Variants in CDH12 observed in about 807,000 individuals in gnomAD.
CDH12 encodes the protein cadherin-12.
CDH12 carries 41 observed loss-of-function variants against 74.1 expected under a neutral mutation model. That is an observed-to-expected ratio of 0.55 (90% CI 0.43 to 0.72). The LOEUF is 0.72. Among genes scored for constraint, CDH12 ranks in the 30% least tolerant of loss-of-function variants. The pLI is 0.00. For missense variants in CDH12, 945 were observed against 977.2 expected (o/e 0.97, Z 0.44); for synonymous variants, 399 against 355.0 (o/e 1.12, Z -1.39).
chr5:22,487,295 C>T (rs1746648336), intron 2 of CDH12, among the ~76,000 whole-genome samples: 1 of 152,074 alleles, frequency 6.6e-6, no homozygotes, highest in African/African-American at 2.4e-5. Flanking sequence ...AGCCACTGTA[C>T]CTGGCCAATG....
At chr5:21,900,472 T>C (rs908861330) in intron 6 of CDH12, among the ~76,000 whole-genome samples, 1 of 152,222 alleles carries the variant, frequency 6.6e-6, no homozygotes, top group African/African-American at 2.4e-5. Context: ...TATATCATGT[T>C]ATATTAGCTA....
At chr5:22,803,917 G>A (rs1748656301) in intron 1 of CDH12, among the ~76,000 whole-genome samples, 1 of 151,776 alleles carries the variant, frequency 6.6e-6, no homozygotes, top group Non-Finnish European at 1.5e-5. Context: ...GTAAAACACA[G>A]TTTATAAGAT....
intron 1 of CDH12, among the ~76,000 whole-genome samples, chr5:22,750,971 G>A (rs1270338465): frequency 6.7e-6 from 1 of 149,678 alleles, no homozygotes; most frequent in Non-Finnish European, 1.5e-5. Context: ...ATGAGAACAA[G>A]GTTTACAACC....
intron 1 of CDH12, among the ~76,000 whole-genome samples, chr5:22,761,297 A>C (rs2127055954): frequency 6.6e-6 from 1 of 152,316 alleles, no homozygotes; most frequent in African/African-American, 2.4e-5. Flanking sequence ...TTATATTAAA[A>C]ATTATCTCAG....
chr5:22,061,659 T>G (rs925932027), intron 5 of CDH12, among the ~76,000 whole-genome samples: 5 of 152,160 alleles, frequency 3.3e-5, no homozygotes, highest in African/African-American at 1.2e-4. Flanking sequence ...TTCAACAATA[T>G]TAGCCCACAG....
At chr5:22,116,864 CT>C (rs70957090) in intron 4 of CDH12, among the ~76,000 whole-genome samples, 1,688 of 107,956 alleles carry the variant, frequency 0.016, 39 homozygotes, top group African/African-American at 0.051. Flanking sequence ...CTGCAAGTCT[CT>C]TTTTTTTTTT....
chr5:22,089,548 A>T (rs952930059), intron 4 of CDH12, among the ~76,000 whole-genome samples: 1 of 152,230 alleles, frequency 6.6e-6, no homozygotes, highest in Non-Finnish European at 1.5e-5. Flanking sequence ...TTTACTTTTT[A>T]AATGCCACAT....
intron 3 of CDH12, among the ~76,000 whole-genome samples, chr5:22,376,862 A>G (rs912360614): frequency 4.6e-5 from 7 of 152,072 alleles, no homozygotes; most frequent in African/African-American, 1.7e-4. Flanking sequence ...CCCCATAAGT[A>G]TGTAAAATAG....
At chr5:21,840,447 T>C (rs1749775343) in intron 8 of CDH12, among the ~76,000 whole-genome samples, 1 of 151,950 alleles carries the variant, frequency 6.6e-6, no homozygotes, top group Non-Finnish European at 1.5e-5. Flanking sequence ...TTTTTTTAGA[T>C]TCAATACCAT....
chr5:22,081,948 G>A (rs970344161), intron 4 of CDH12, among the ~76,000 whole-genome samples: 1 of 152,174 alleles, frequency 6.6e-6, no homozygotes. Context: ...AACATGCAAA[G>A]TGCAGTAGTC....
At chr5:21,802,493 A>C in intron 9 of CDH12, 73 bp from the exon 10 acceptor site, 1 of 1,296,964 alleles carries the variant, frequency 7.7e-7, no homozygotes, top group South Asian at 1.3e-5. Context: ...ACATTACTTC[A>C]GAGCAATTTG....
chr5:22,393,342 G>T (rs1742326256), intron 3 of CDH12, among the ~76,000 whole-genome samples: 1 of 152,154 alleles, frequency 6.6e-6, no homozygotes, highest in South Asian at 2.1e-4. Context: ...GCAAGGTACA[G>T]AATCTCTACT....
intron 2 of CDH12, among the ~76,000 whole-genome samples, chr5:22,474,903 C>A (rs1221068424): frequency 6.6e-6 from 1 of 151,858 alleles, no homozygotes; most frequent in African/African-American, 2.4e-5. Flanking sequence ...ATTAATGAAC[C>A]AAACTAACAA....
intron 4 of CDH12, among the ~76,000 whole-genome samples, chr5:22,210,372 CTG>C (rs1751456304): frequency 6.8e-6 from 1 of 146,620 alleles, no homozygotes; most frequent in Non-Finnish European, 1.5e-5. Context: ...GTAAAATAAA[CTG>C]TTACTAATTT....
intron 1 of CDH12, among the ~76,000 whole-genome samples, chr5:22,640,374 T>G (rs1180266563): frequency 6.6e-6 from 1 of 152,230 alleles, no homozygotes; most frequent in East Asian, 1.9e-4. Context: ...TTAAAACACA[T>G]ATCTCCTATA....
intron 1 of CDH12, among the ~76,000 whole-genome samples, chr5:22,530,344 T>C (rs1737531079): frequency 6.6e-6 from 1 of 152,268 alleles, no homozygotes; most frequent in Non-Finnish European, 1.5e-5. Context: ...ATGGACTCAT[T>C]TGAAATAAAA....
intron 12 of CDH12, among the ~76,000 whole-genome samples, chr5:21,763,253 C>T (rs1744826564): frequency 6.6e-6 from 1 of 152,162 alleles, no homozygotes; most frequent in Admixed American, 6.6e-5. Flanking sequence ...TGAAAATACT[C>T]TATGTCTGCA....
intron 3 of CDH12, among the ~76,000 whole-genome samples, chr5:22,216,748 C>T (rs1236979475): frequency 6.6e-6 from 1 of 151,816 alleles, no homozygotes; most frequent in Non-Finnish European, 1.5e-5. Context: ...CACATATACT[C>T]ATGAGTTTAA....
chr5:22,272,628 T>G (rs1164083971), intron 3 of CDH12, among the ~76,000 whole-genome samples: 1 of 152,122 alleles, frequency 6.6e-6, no homozygotes, highest in East Asian at 1.9e-4. Context: ...CACTTGAACA[T>G]TTAGAGGTTA....
Sources: gnomAD v4.1 joint callset for allele counts (sites outside exome capture counted in the v4.1 genomes callset) on GRCh38, gnomAD v4.1.1 for gene constraint, MANE v1.5 for transcripts, NCBI Gene and HGNC (gene_info 2026-07-23, HGNC 2026-07-21) for gene names.